Variants in CFAP69 observed in about 807,000 individuals in gnomAD.
The protein encoded by CFAP69 is cilia and flagella associated protein 69.
CFAP69 carries 92 observed loss-of-function variants against 123.0 expected under a neutral mutation model. The ratio of observed to expected loss-of-function variants is 0.75; its 90% CI spans 0.63 to 0.89. The LOEUF (loss-of-function observed/expected upper bound fraction) is 0.89, where lower values mean the gene tolerates loss of function less well. Ranked by LOEUF, CFAP69 falls within the 40% of genes least tolerant of loss-of-function variation. CFAP69 has a pLI of 0.00. For synonymous variants in CFAP69, 380 were observed against 364.3 expected (o/e 1.04, Z -0.49); for missense variants, 1,067 against 1,096.9 (o/e 0.97, Z 0.39).
At chr7:90,266,285 T>C (rs1799151241) in intron 5 of CFAP69, 1 of 152,064 alleles carries the variant, frequency 6.6e-6, no homozygotes, top group Non-Finnish European at 1.5e-5. Flanking sequence ...ACCTACTCTA[T>C]ATCCTAGAGT....
intron 22 of CFAP69, 110 bp from the exon 23 acceptor site, chr7:90,309,958 T>C (rs1794137683): frequency 1.2e-6 from 1 of 836,192 alleles, no homozygotes; most frequent in Non-Finnish European, 1.9e-6. Flanking sequence ...GCCTCCTAGT[T>C]ATTCATTACA....
chr7:90,250,187 G>GGAGAGAGAGA (rs10527106), intron 1 of CFAP69, among the ~76,000 whole-genome samples: 2,226 of 125,538 alleles, frequency 0.018, 76 homozygotes, highest in Non-Finnish European at 0.021. Context: ...TTTAAAGAGA[G>GGAGAGAGAGA]GAGAGAGAGA....
chr7:90,274,104 A>G lies in CFAP69; in HGVS notation c.978A>G (p.Pro326=). 1 of 1,592,656 alleles carries G rather than the reference A, an allele frequency of 6.3e-7. No individual in the cohort carries two copies. Among genetic ancestry groups the G allele is most frequent in the Non-Finnish European group, 8.5e-7 (1 of 1,173,318 alleles). The change falls in exon 9 of 23, where the codon CCA becomes CCG. Residue 326 remains proline, a synonymous_variant. Coordinates refer to ENST00000389297, the MANE Select transcript of CFAP69 (RefSeq NM_001039706.3). ...TTATAGCTCAAAATCCTGAAGCACCAATGATTGTAAGTATGAATCAAATTG... is the reference window on the plus strand; with the variant it reads ...TTATAGCTCAAAATCCTGAAGCACCGATGATTGTAAGTATGAATCAAATTG... ...TTIIAQNPEA[P]MIECGFTKDL...
At chr7:90,248,287 T>G (rs1258008559) in intron 1 of CFAP69, among the ~76,000 whole-genome samples, 1 of 152,236 alleles carries the variant, frequency 6.6e-6, no homozygotes, top group African/African-American at 2.4e-5. Flanking sequence ...TAACCTTAGT[T>G]TTTAGTAATT....
intron 1 of CFAP69, among the ~76,000 whole-genome samples, chr7:90,248,270 G>T (rs182451168): frequency 6.6e-6 from 1 of 152,120 alleles, no homozygotes; most frequent in East Asian, 1.9e-4. Context: ...GAACCTTTCA[G>T]TTACCCTAAC....
downstream of CFAP69, among the ~76,000 whole-genome samples, chr7:90,311,286 A>T (rs1031265361): frequency 1.3e-5 from 2 of 152,180 alleles, no homozygotes; most frequent in African/African-American, 4.8e-5. Context: ...ACATGAGTTC[A>T]TGTCCAGGAA....
chr7:90,321,392 C>G, the CFAP69 span: 1 of 152,522 alleles, frequency 6.6e-6, no homozygotes, highest in African/African-American at 2.4e-5. Flanking sequence ...CCTCCCTGAC[C>G]TCGCCCAACT....
intron 4 of CFAP69, among the ~76,000 whole-genome samples, chr7:90,264,103 AAATATATATAT>A (rs1284960958): frequency 9.2e-4 from 30 of 32,696 alleles, no homozygotes; most frequent in African/African-American, 2.4e-3. Flanking sequence ...AAAAAAAAAA[AAATATATATAT>A]ATATATATAT....
rs556291083 is a variant in CFAP69 at position 90,300,664 on chromosome 7, T to G, written c.2050+605T>G. ...TTTTTCTTTTTTTTTTCTTTTTTTTTTGTGAGACAGGGTTTCACTCAGGTC... is the reference window on the plus strand; with the variant it reads ...TTTTTCTTTTTTTTTTCTTTTTTTTGTGTGAGACAGGGTTTCACTCAGGTC... On this transcript the variant is annotated intron_variant, in intron 17 of 22. Transcript: ENST00000389297. 6.8e-3 allele frequency: 1,618 copies of G among 237,730 alleles called. 10 individuals carry two copies. The highest frequency in any genetic ancestry group is 9.6e-3 in the Non-Finnish European group (1,444 of 150,736). 14.7% of individuals were successfully genotyped at this position (237,730 alleles called of 1,614,324 possible).
At chr7:90,274,614 A>G (rs1800459365) in intron 9 of CFAP69, among the ~76,000 whole-genome samples, 1 of 152,204 alleles carries the variant, frequency 6.6e-6, no homozygotes, top group Non-Finnish European at 1.5e-5. Flanking sequence ...GTTTCTGATG[A>G]GAAATATTCA....
chr7:90,253,446 A>C (rs1176490019), intron 1 of CFAP69, among the ~76,000 whole-genome samples: 1 of 152,206 alleles, frequency 6.6e-6, no homozygotes, highest in Non-Finnish European at 1.5e-5. Flanking sequence ...GTTGGAGTGC[A>C]GTGGTGTGAT....
chr7:90,270,180 G>T (rs915227635), intron 6 of CFAP69: 1 of 152,120 alleles, frequency 6.6e-6, no homozygotes, highest in Non-Finnish European at 1.5e-5. Context: ...AAGAGACATA[G>T]CCCTGGAGAC....
chr7:90,245,234 G>A lies in CFAP69; in HGVS notation c.-191G>A. 1 of 625,042 alleles carries A rather than the reference G, an allele frequency of 1.6e-6. No individual in the cohort carries two copies. Among genetic ancestry groups the A allele is most frequent in the Non-Finnish European group, 2.4e-6 (1 of 413,514 alleles). 38.7% of individuals were successfully genotyped at this position (625,042 alleles called of 1,614,324 possible). ...GATCAGAGGTCTGGGTCAACTGGGGGGCGGCAGCGGCGCTAAGCGGACTGT... is the reference window on the plus strand; with the variant it reads ...GATCAGAGGTCTGGGTCAACTGGGGAGCGGCAGCGGCGCTAAGCGGACTGT... On this transcript the variant is annotated 5_prime_UTR_variant, in exon 1 of 23. Coordinates refer to ENST00000389297, the MANE Select transcript of CFAP69 (RefSeq NM_001039706.3).
chr7:90,262,145 G>A, intron 4 of CFAP69, 89 bp downstream of exon 4: 1 of 779,030 alleles, frequency 1.3e-6, no homozygotes, highest in Admixed American at 3.4e-5. Flanking sequence ...GCATTATAGT[G>A]TAGCAGATTG....
At chr7:90,246,397 C>T (rs1328312672) in intron 1 of CFAP69, among the ~76,000 whole-genome samples, 1 of 152,156 alleles carries the variant, frequency 6.6e-6, no homozygotes, top group Admixed American at 6.5e-5. Flanking sequence ...TGTGGGAATT[C>T]CTGTTGAGGC....
intron 15 of CFAP69, among the ~76,000 whole-genome samples, chr7:90,290,837 A>G (rs1791073853): frequency 6.8e-6 from 1 of 146,034 alleles, no homozygotes; most frequent in African/African-American, 2.6e-5. Flanking sequence ...AAGGGGAGCT[A>G]TGTTTAGAAA....
chr7:90,287,443 G>T lies in CFAP69; in HGVS notation c.1657-791G>T, dbSNP rs1034071995. ...TAAATGTTGTTTGGGGTTTGAATTG[G>T]GTTCAAACCCAAAGCCAAAATTTAG... On this transcript the variant is annotated intron_variant, in intron 14 of 22. Transcript: ENST00000389297. 4.1e-6 allele frequency: 4 copies of T among 970,972 alleles called. No individual in the cohort carries two copies. The African/African-American group carries it at 5.3e-5, about 13-fold the overall frequency. 60.1% of individuals were successfully genotyped at this position (970,972 alleles called of 1,614,324 possible). A position where few individuals can be genotyped will look rare whatever the true frequency, so the allele number is the denominator to read the frequency against.
intron 5 of CFAP69, among the ~76,000 whole-genome samples, chr7:90,265,603 C>T (rs1437013684): frequency 6.6e-6 from 1 of 152,184 alleles, no homozygotes; most frequent in African/African-American, 2.4e-5. Flanking sequence ...AGTACAAGGA[C>T]AGGCTGATAA....
chr7:90,248,362 T>A (rs1796571710), intron 1 of CFAP69, among the ~76,000 whole-genome samples: 1 of 152,232 alleles, frequency 6.6e-6, no homozygotes, highest in Non-Finnish European at 1.5e-5. Flanking sequence ...ATTTTGCTGA[T>A]TTTTCTGTGT....
Sources: gnomAD v4.1 joint callset for allele counts (sites outside exome capture counted in the v4.1 genomes callset) on GRCh38, gnomAD v4.1.1 for gene constraint, MANE v1.5 for transcripts, NCBI Gene and HGNC (gene_info 2026-07-23, HGNC 2026-07-21) for gene names.